Variants in TYR observed in about 807,000 individuals in gnomAD.
TYR encodes the protein tyrosinase, also known as LB24-AB.
Under a neutral mutation model 51.5 loss-of-function variants are expected in TYR, and 58 were observed. The observed-to-expected ratio is 1.13, with a 90% CI of 0.91 to 1.40. TYR has a LOEUF of 1.40. Among genes scored for constraint, TYR ranks in the 40% most tolerant of loss-of-function variants. The probability of loss-of-function intolerance (pLI) is 0.00; values close to 1 mark genes in which losing one functional copy is unlikely to be tolerated. For missense variants in TYR, 732 were observed against 647.4 expected, an observed-to-expected ratio of 1.13 and a Z score of -1.42; for synonymous variants, 263 against 235.2, an observed-to-expected ratio of 1.12 and a Z score of -1.08.
chr11:89,205,821 T>C (rs1287577312), intron 2 of TYR, among the ~76,000 whole-genome samples: 1 of 152,148 alleles, frequency 6.6e-6, no homozygotes. Flanking sequence ...CAGACTTCTG[T>C]TGAGTTTTCT....
At chr11:89,288,778 A>T (rs1345654864) in intron 4 of TYR, among the ~76,000 whole-genome samples, 6 of 151,942 alleles carry the variant, frequency 3.9e-5, no homozygotes, top group African/African-American at 1.2e-4. Flanking sequence ...AAGTAACACC[A>T]ATTGCCTATT....
intron 3 of TYR, among the ~76,000 whole-genome samples, chr11:89,271,326 T>A (rs1287905536): frequency 6.6e-6 from 1 of 151,830 alleles, no homozygotes; most frequent in East Asian, 1.9e-4. Context: ...ACCACCACAA[T>A]AAAACAAACA....
chr11:89,212,911 A>G (rs1419592338), intron 2 of TYR, among the ~76,000 whole-genome samples: 2 of 152,240 alleles, frequency 1.3e-5, no homozygotes, highest in Non-Finnish European at 2.9e-5. Flanking sequence ...AAAAACTCTC[A>G]GTAAACTAGG....
chr11:89,186,375 A>G (rs1475583624), intron 1 of TYR, among the ~76,000 whole-genome samples: 20 of 152,142 alleles, frequency 1.3e-4, no homozygotes, highest in Admixed American at 1.3e-3. Context: ...TTATAGGGAC[A>G]ATGGAGCATA....
At chr11:89,201,911 A>T (rs1166879322) in intron 2 of TYR, among the ~76,000 whole-genome samples, 3 of 152,192 alleles carry the variant, frequency 2.0e-5, no homozygotes, top group East Asian at 3.9e-4. Context: ...CATTTTCAGG[A>T]TGAAATGTCA....
intron 2 of TYR, among the ~76,000 whole-genome samples, chr11:89,214,461 G>T (rs1442030399): frequency 6.6e-6 from 1 of 152,162 alleles, no homozygotes; most frequent in East Asian, 1.9e-4. Context: ...AACCATTGTG[G>T]AAGAGAGTGT....
rs185506039 is a variant in TYR at position 89,205,070 on chromosome 11, T to C, written c.1036+13652T>C. Among the ~76,000 whole-genome samples, 223 of 152,054 alleles carry C rather than the reference T, an allele frequency of 1.5e-3. 2 individuals are homozygous for C. The highest frequency in any genetic ancestry group is 5.2e-3 in the African/African-American group (217 of 41,480). ...AATGACTTCGCAAGAAAATGGAAGA[T>C]ATCACAAAGAACAAAACAAAATTAG... On this transcript the variant is annotated intron_variant, in intron 2 of 4. Transcript: ENST00000263321.
intron 3 of TYR, among the ~76,000 whole-genome samples, chr11:89,268,359 A>G (rs1944550120): frequency 6.6e-6 from 1 of 151,948 alleles, no homozygotes; most frequent in African/African-American, 2.4e-5. Flanking sequence ...CTGTCATCCA[A>G]TAAATTGAAA....
intron 2 of TYR, among the ~76,000 whole-genome samples, chr11:89,205,041 A>C (rs541902875): frequency 6.6e-6 from 1 of 152,302 alleles, no homozygotes; most frequent in South Asian, 2.1e-4. Context: ...AATGAAAAAA[A>C]TAGAATGACT....
At chr11:89,220,157 G>GT (rs1943889132) in intron 2 of TYR, among the ~76,000 whole-genome samples, 1 of 151,628 alleles carries the variant, frequency 6.6e-6, no homozygotes, top group Admixed American at 6.6e-5. Context: ...AAAAAAAATG[G>GT]TTTTATTTAC....
chr11:89,269,491 C>T (rs182982788), intron 3 of TYR, among the ~76,000 whole-genome samples: 5 of 152,034 alleles, frequency 3.3e-5, no homozygotes, highest in Admixed American at 2.6e-4. Flanking sequence ...GAAAAAAACA[C>T]CGAAACTGCC....
intron 1 of TYR, among the ~76,000 whole-genome samples, chr11:89,190,185 T>TA (rs1943423969): frequency 6.6e-6 from 1 of 152,136 alleles, no homozygotes; most frequent in Admixed American, 6.6e-5. Flanking sequence ...CTTCCACTTA[T>TA]AAAAAAGTAA....
At chr11:89,204,986 C>T (rs1223039787) in intron 2 of TYR, among the ~76,000 whole-genome samples, 1 of 152,018 alleles carries the variant, frequency 6.6e-6, no homozygotes, top group Non-Finnish European at 1.5e-5. Context: ...TTAAAACACT[C>T]ATTTTTGAAT....
At chr11:89,252,372 G>T (rs972936434) in intron 3 of TYR, among the ~76,000 whole-genome samples, 4 of 151,616 alleles carry the variant, frequency 2.6e-5, no homozygotes, top group Non-Finnish European at 4.4e-5. Context: ...TTGGGGTTTT[G>T]GTCTCAATAA....
In TYR at chr11:89,272,441, T is replaced by C. The variant is rs375157664; in HGVS notation, c.1185-12332T>C. ...GGGTCTCAACAGTGGACTTGAAATA[T>C]TCAGTAAATCATGGTATAAACAGAT... On this transcript the variant is annotated intron_variant, in intron 3 of 4. Coordinates refer to ENST00000263321, the MANE Select transcript of TYR (RefSeq NM_000372.5). Among the ~76,000 whole-genome samples, 14 of 151,862 alleles carry C rather than the reference T, an allele frequency of 9.2e-5. No individual in the cohort carries two copies. The East Asian group carries it at 1.6e-3, about 17-fold the overall frequency.
intron 3 of TYR, among the ~76,000 whole-genome samples, chr11:89,230,476 A>AT (rs1565406031): frequency 1.3e-5 from 2 of 152,056 alleles, no homozygotes; most frequent in African/African-American, 2.4e-5. Flanking sequence ...CTGGGCAATG[A>AT]TTTTTTTGGA....
At chr11:89,202,233 G>C (rs918814644) in intron 2 of TYR, among the ~76,000 whole-genome samples, 9 of 151,962 alleles carry the variant, frequency 5.9e-5, no homozygotes, top group South Asian at 2.1e-4. Flanking sequence ...TCCTGCAATG[G>C]TACATTAGTC....
intron 3 of TYR, among the ~76,000 whole-genome samples, chr11:89,249,374 C>T (rs11018554): frequency 1.6e-3 from 240 of 147,582 alleles, no homozygotes; most frequent in African/African-American, 5.8e-3. Flanking sequence ...AAGGATGAGC[C>T]GATACAGATG....
At chr11:89,229,577 A>G (rs1032111212) in intron 3 of TYR, among the ~76,000 whole-genome samples, 1 of 152,030 alleles carries the variant, frequency 6.6e-6, no homozygotes, top group Non-Finnish European at 1.5e-5. Flanking sequence ...AAGAAAAAGA[A>G]AAACTATCAA....
Sources: gnomAD v4.1 joint callset for allele counts (sites outside exome capture counted in the v4.1 genomes callset) on GRCh38, gnomAD v4.1.1 for gene constraint, MANE v1.5 for transcripts, NCBI Gene and HGNC (gene_info 2026-07-23, HGNC 2026-07-21) for gene names.